DLG2: variants seen among roughly 807,000 people sequenced by gnomAD.
The protein encoded by DLG2 is discs large MAGUK scaffold protein 2.
DLG2 carries 45 observed loss-of-function variants against 132.5 expected under a neutral mutation model. The ratio of observed to expected loss-of-function variants is 0.34; its 90% CI spans 0.27 to 0.44. The LOEUF is 0.44. Ranked by LOEUF, DLG2 falls within the 20% of genes least tolerant of loss-of-function variation. The probability of loss-of-function intolerance (pLI) is 1.00; values close to 1 mark genes in which losing one functional copy is unlikely to be tolerated. For missense variants in DLG2, 1,045 were observed against 1,196.9 expected, an observed-to-expected ratio of 0.87 and a Z score of 1.87; for synonymous variants, 424 against 419.6, an observed-to-expected ratio of 1.01 and a Z score of -0.13.
At position 84,305,120 on chromosome 11, in the gene DLG2, A is replaced by G. The variant is rs551495463; in HGVS notation, c.520-53829T>C. Reference sequence around the variant, plus strand: ...AGGTTATCCTGCAAGACATATAGGCATTGAACACATAGTTCCTGTTCTCCA... The same window carrying G: ...AGGTTATCCTGCAAGACATATAGGCGTTGAACACATAGTTCCTGTTCTCCA... On this transcript the variant is annotated intron_variant, in intron 7 of 27. Transcript: ENST00000376104. Among the ~76,000 whole-genome samples, 174 of 152,348 alleles carry G rather than the reference A, an allele frequency of 1.1e-3. 1 individual carries two copies. Among genetic ancestry groups the G allele is most frequent in the African/African-American group, 3.9e-3 (162 of 41,588 alleles).
At chr11:84,164,069 A>G (rs1208559032) in intron 8 of DLG2, among the ~76,000 whole-genome samples, 1 of 152,212 alleles carries the variant, frequency 6.6e-6, no homozygotes, top group South Asian at 2.1e-4. Flanking sequence ...CCATATAACC[A>G]TACCTATGTA....
chr11:85,288,632 C>A (rs568684601), intron 3 of DLG2, among the ~76,000 whole-genome samples: 1 of 151,676 alleles, frequency 6.6e-6, no homozygotes, highest in East Asian at 1.9e-4. Context: ...GCACTCCAGT[C>A]CTGGTAACAG....
intron 6 of DLG2, chr11:84,640,506 A>G: frequency 2.4e-6 from 1 of 415,844 alleles, no homozygotes; most frequent in East Asian, 7.5e-5. Context: ...AGATATCAGA[A>G]AACTTTTGGA....
chr11:83,510,944 G>T (rs2139869163), intron 21 of DLG2, among the ~76,000 whole-genome samples: 1 of 132,850 alleles, frequency 7.5e-6, no homozygotes, highest in African/African-American at 2.9e-5. Context: ...ATTCCTCCAA[G>T]ATTTTAGAGA....
chr11:84,816,002 C>T (rs1284119991), intron 6 of DLG2, among the ~76,000 whole-genome samples: 1 of 152,126 alleles, frequency 6.6e-6, no homozygotes, highest in South Asian at 2.1e-4. Context: ...TTTCATTTGT[C>T]CTGCCAGGAT....
intron 6 of DLG2, among the ~76,000 whole-genome samples, chr11:84,937,948 T>G (rs755446084): frequency 2.0e-5 from 3 of 152,166 alleles, no homozygotes; most frequent in Non-Finnish European, 4.4e-5. Flanking sequence ...GAGAAAACTC[T>G]GGCCCAGAAC....
intron 21 of DLG2, among the ~76,000 whole-genome samples, chr11:83,522,211 A>C (rs76046734): frequency 6.6e-6 from 1 of 152,178 alleles, no homozygotes; most frequent in African/African-American, 2.4e-5. Flanking sequence ...CCCTTTCTTA[A>C]TTGCTCTCAC....
At chr11:84,384,326 C>T (rs2154435266) in intron 7 of DLG2, among the ~76,000 whole-genome samples, 1 of 151,960 alleles carries the variant, frequency 6.6e-6, no homozygotes, top group East Asian at 1.9e-4. Context: ...ATGGAAAATG[C>T]AACTTTAAAA....
intron 5 of DLG2, among the ~76,000 whole-genome samples, chr11:85,152,507 G>A (rs1345253543): frequency 2.0e-5 from 3 of 151,832 alleles, no homozygotes; most frequent in African/African-American, 7.3e-5. Context: ...CCAAAGTGCT[G>A]GGATTACACC....
At chr11:84,258,541 T>C (rs1438316185) in intron 7 of DLG2, among the ~76,000 whole-genome samples, 1 of 152,056 alleles carries the variant, frequency 6.6e-6, no homozygotes, top group African/African-American at 2.4e-5. Flanking sequence ...ATTTTTACAA[T>C]GTTCTAAGGA....
At chr11:84,075,409 C>G (rs1474814857) in intron 10 of DLG2, among the ~76,000 whole-genome samples, 1 of 152,100 alleles carries the variant, frequency 6.6e-6, no homozygotes, top group Non-Finnish European at 1.5e-5. Flanking sequence ...GAGCTCCTAA[C>G]AGGCACTAAG....
intron 11 of DLG2, among the ~76,000 whole-genome samples, chr11:84,033,602 G>A (rs1391400080): frequency 6.6e-6 from 1 of 152,166 alleles, no homozygotes; most frequent in Non-Finnish European, 1.5e-5. Flanking sequence ...GCATTAGCAG[G>A]GTTTGAGAGG....
chr11:85,449,442 T>C (rs1235032830), intron 3 of DLG2, among the ~76,000 whole-genome samples: 2 of 152,012 alleles, frequency 1.3e-5, no homozygotes, highest in African/African-American at 2.4e-5. Flanking sequence ...AACCATCTAC[T>C]TTTTAGTTAT....
At chr11:85,540,999 A>G (rs2075929181) in intron 3 of DLG2, among the ~76,000 whole-genome samples, 1 of 152,198 alleles carries the variant, frequency 6.6e-6, no homozygotes. Context: ...TGTTCCCTGG[A>G]ACACTTCCCA....
At chr11:84,748,951 C>T (rs2065747916) in intron 6 of DLG2, among the ~76,000 whole-genome samples, 1 of 152,144 alleles carries the variant, frequency 6.6e-6, no homozygotes, top group South Asian at 2.1e-4. Flanking sequence ...GAGAGAACTG[C>T]TTGGGACCAA....
intron 6 of DLG2, among the ~76,000 whole-genome samples, chr11:84,843,851 T>C (rs2081023217): frequency 6.6e-6 from 1 of 151,618 alleles, no homozygotes; most frequent in Non-Finnish European, 1.5e-5. Flanking sequence ...AACCAAAGAA[T>C]ACAGAAAGCT....
chr11:83,850,734 C>T (rs1253620784), intron 16 of DLG2, among the ~76,000 whole-genome samples: 2 of 152,114 alleles, frequency 1.3e-5, no homozygotes, highest in Non-Finnish European at 2.9e-5. Context: ...TTTGCATATA[C>T]TTTCTTCATT....
intron 22 of DLG2, among the ~76,000 whole-genome samples, chr11:83,475,249 G>C (rs1368972155): frequency 6.6e-6 from 1 of 151,840 alleles, no homozygotes; most frequent in Non-Finnish European, 1.5e-5. Context: ...AGCCCTATGG[G>C]TAATGAGGAA....
At chr11:85,510,432 C>A (rs1472356652) in intron 3 of DLG2, among the ~76,000 whole-genome samples, 4 of 151,958 alleles carry the variant, frequency 2.6e-5, no homozygotes, top group African/African-American at 9.7e-5. Flanking sequence ...AGTGAACAGG[C>A]AACCTACAGA....
Sources: gnomAD v4.1 joint callset for allele counts (sites outside exome capture counted in the v4.1 genomes callset) on GRCh38, gnomAD v4.1.1 for gene constraint, MANE v1.5 for transcripts, NCBI Gene and HGNC (gene_info 2026-07-23, HGNC 2026-07-21) for gene names.